Variants in PTPN23 observed in about 807,000 individuals in gnomAD.
PTPN23 encodes the protein tyrosine-protein phosphatase non-receptor type 23.
Under a neutral mutation model 156.3 loss-of-function variants are expected in PTPN23, and 72 were observed. The ratio of observed to expected loss-of-function variants is 0.46; its 90% CI spans 0.38 to 0.56. PTPN23 has a LOEUF of 0.56. Ranked by LOEUF, PTPN23 falls within the 20% of genes least tolerant of loss-of-function variation. The pLI, the probability that PTPN23 is intolerant of heterozygous loss-of-function variation, is 0.00. For missense variants in PTPN23, 1,974 were observed against 2,171.5 expected (o/e 0.91, Z 1.81); for synonymous variants, 957 against 899.6 (o/e 1.06, Z -1.14).
chr3:47,384,855 C>A (rs1044445188), intron 1 of PTPN23, among the ~76,000 whole-genome samples: 1 of 151,970 alleles, frequency 6.6e-6, no homozygotes, highest in Non-Finnish European at 1.5e-5. Context: ...CTCTGCCTCC[C>A]GGGTTCAAGC....
rs574121445 is a variant in PTPN23, at chr3:47,396,754, G to C, written c.159+537G>C. Among the ~76,000 whole-genome samples, 5 of 152,170 alleles carry C rather than the reference G, an allele frequency of 3.3e-5. No homozygotes were observed. In the South Asian group the frequency reaches 1.0e-3, roughly 32 times the overall value. On this transcript the variant is annotated intron_variant, in intron 2 of 24. Transcript: ENST00000265562. ...ACCAGCCTCAACATAGTGAGGCCCT[G>C]TCTCTATAGAAAACAAAAAAAATTA...
Position 47,412,383 on chromosome 3 carries a change from C to A in PTPN23, c.4279C>A (p.Arg1427Ser). 6.2e-7 allele frequency: 1 copy of A among 1,613,088 alleles called. No homozygotes were observed. The highest frequency in any genetic ancestry group is 1.1e-5 in the South Asian group (1 of 91,080). ...GIPELPQLVR[R>S]MRQQRKHMLQ... is the part of the protein sequence containing the mutation. ...CCCTGAGCTGCCTCAGCTGGTGCGGCGCATGCGGCAGCAGAGAAAGCACAT... is the reference window on the plus strand; with the variant it reads ...CCCTGAGCTGCCTCAGCTGGTGCGGAGCATGCGGCAGCAGAGAAAGCACAT... The change falls in exon 23 of 25, where the codon CGC becomes AGC. Residue 1427 changes from arginine (R) to serine (S), a missense_variant. Physicochemically the swap from Arg to Ser is moderately radical, Grantham distance 110 (BLOSUM62 -1). This residue lies in a region of PTPN23 where 484 missense variants were observed against 516.0 expected (regional missense o/e 0.94). Coordinates refer to ENST00000265562, the MANE Select transcript of PTPN23 (RefSeq NM_015466.4).
rs774919488 is a variant in PTPN23, at chr3:47,412,421, G to A, written c.4317G>A (p.Lys1439=). 20 of 1,612,760 alleles carry A rather than the reference G, an allele frequency of 1.2e-5. No individual in the cohort carries two copies. Among genetic ancestry groups the A allele is most frequent in the Middle Eastern group, 3.3e-4 (2 of 6,058 alleles). ...AGAGAAAGCACATGCTGCAGGAGAA[G>A]GTGAGGATCTGGGCAGATGGGGCTG... ...RQQRKHMLQE[K]LHLRFCYEAV... is the part of the protein sequence containing the mutation. The change falls in exon 23 of 25, where the codon AAG becomes AAA. Residue 1439 remains lysine (K), a splice_region_variant and synonymous_variant. Transcript: ENST00000265562.
At chr3:47,399,498 T>C (rs1559521781) in intron 2 of PTPN23, among the ~76,000 whole-genome samples, 1 of 152,200 alleles carries the variant, frequency 6.6e-6, no homozygotes, top group Non-Finnish European at 1.5e-5. Context: ...GAGATAATCT[T>C]AGCCCCTGGG....
At chr3:47,383,142 T>A (rs1405990516) in intron 1 of PTPN23, among the ~76,000 whole-genome samples, 4 of 152,208 alleles carry the variant, frequency 2.6e-5, no homozygotes, top group African/African-American at 7.2e-5. Flanking sequence ...GTGTGCTTCA[T>A]CTACTGTGTG....
In PTPN23 at chr3:47,412,666, G is replaced by A. The variant is rs531803521; in HGVS notation, c.4431+39G>A. The A allele has an allele frequency of 2.4e-5, 38 of 1,603,944 alleles. No homozygotes were observed. In the South Asian group the frequency reaches 3.6e-4, roughly 15 times the overall value. ...CGTGGAAGCTGCTGGGAGAGCCACA[G>A]CCTTGGGACTCCCTCTCCTCACTCA... On this transcript the variant is annotated intron_variant, in intron 24 of 24. Coordinates refer to ENST00000265562, the MANE Select transcript of PTPN23 (RefSeq NM_015466.4).
rs377276212 is a variant in PTPN23, at chr3:47,408,380, C to T, written c.1220C>T (p.Thr407Met). Residue 407 changes from threonine (T) to methionine (M), a missense_variant, in exon 15 of 25, where the codon ACG (threonine) becomes ATG (methionine). By Grantham distance (81) the Thr-to-Met change is moderately conservative. This residue lies in a region of PTPN23 where 726 missense variants were observed against 929.5 expected (regional missense o/e 0.78). Coordinates refer to ENST00000265562, the MANE Select transcript of PTPN23 (RefSeq NM_015466.4). ...FMDSMQLDPE[T>M]VDNLDAYSHI... ...GATTCAATGCAGTTGGATCCCGAGA[C>T]GGTGGACAACCTTGATGCCTACAGC... The T allele has an allele frequency of 2.4e-5, 38 of 1,614,004 alleles. No individual in the cohort carries two copies. The highest frequency in any genetic ancestry group is 5.0e-5 in the Admixed American group (3 of 59,992).
chr3:47,407,271 T>C lies in PTPN23; in HGVS notation c.865-38T>C. The C allele has an allele frequency of 2.5e-6, 4 of 1,613,546 alleles. No individual in the cohort carries two copies. The highest frequency in any genetic ancestry group is 3.4e-6 in the Non-Finnish European group (4 of 1,179,660). On this transcript the variant is annotated intron_variant, in intron 10 of 24. Transcript: ENST00000265562. This position sits in a 1 kb window ranked among gnomAD's most constrained non-coding sequence, Gnocchi z 4.0. Reference sequence around the variant, plus strand: ...GGGGGTGTCCTGGTGCCAGCCTTGGTTAGTGCTAAGGCCCCACCCCTGTCC... The same window carrying C: ...GGGGGTGTCCTGGTGCCAGCCTTGGCTAGTGCTAAGGCCCCACCCCTGTCC...
intron 1 of PTPN23, among the ~76,000 whole-genome samples, chr3:47,388,313 G>T (rs1002304341): frequency 6.6e-6 from 1 of 152,040 alleles, no homozygotes; most frequent in Non-Finnish European, 1.5e-5. Flanking sequence ...GTCTCAAGTG[G>T]TCCGTCCACC....
chr3:47,389,969 A>G (rs1387595192), intron 1 of PTPN23, among the ~76,000 whole-genome samples: 1 of 148,378 alleles, frequency 6.7e-6, no homozygotes, highest in East Asian at 2.0e-4. Flanking sequence ...GCTACTTGGG[A>G]GGCTTAGGCA....
At chr3:47,389,257 CT>C (rs994143758) in intron 1 of PTPN23, among the ~76,000 whole-genome samples, 12 of 152,164 alleles carry the variant, frequency 7.9e-5, no homozygotes, top group Admixed American at 7.9e-4. Context: ...AACTCGAATC[CT>C]TATGACAGCT....
chr3:47,406,711 G>A lies in PTPN23; in HGVS notation c.768G>A (p.Met256Ile), dbSNP rs1305567285. The change falls in exon 9 of 25, where the codon ATG becomes ATA. Residue 256 changes from methionine (M) to isoleucine (I), a missense_variant. Around this residue, in one of 4 missense-constraint regions of PTPN23, gnomAD observed 726 missense variants for 929.5 expected, o/e 0.78. Transcript: ENST00000265562. This position sits in a 1 kb window ranked among gnomAD's most constrained non-coding sequence, Gnocchi z 5.8. Reference sequence around the variant, plus strand: ...CTCTTCTTCTTTCCCAGCTGCACATGGGAAAGCAGGCCGAGGAGCAGCAGA... The same window carrying A: ...CTCTTCTTCTTTCCCAGCTGCACATAGGAAAGCAGGCCGAGGAGCAGCAGA... ...YYFAAVAHLH[M>I]GKQAEEQQKF... is the part of the protein sequence containing the mutation. 6.2e-7 allele frequency: 1 copy of A among 1,613,982 alleles called. No individual in the cohort carries two copies. Among genetic ancestry groups the A allele is most frequent in the Non-Finnish European group, 8.5e-7 (1 of 1,179,976 alleles).
At chr3:47,412,453 G>T in intron 23 of PTPN23, 32 bp downstream of exon 23, 1 of 1,611,616 alleles carries the variant, frequency 6.2e-7, no homozygotes, top group Non-Finnish European at 8.5e-7. Context: ...GCTGGGATGG[G>T]CCTTCTGTCC....
chr3:47,397,506 T>A (rs1315506698), intron 2 of PTPN23, among the ~76,000 whole-genome samples: 1 of 152,238 alleles, frequency 6.6e-6, no homozygotes, highest in Non-Finnish European at 1.5e-5. Context: ...ACCAGTAATG[T>A]AGATACATGC....
chr3:47,405,433 C>T lies in PTPN23; in HGVS notation c.365-316C>T. On this transcript the variant is annotated intron_variant, in intron 4 of 24. Transcript: ENST00000265562. The surrounding 1 kb of genome is among the most constrained non-coding windows in gnomAD (Gnocchi z 4.7). ...GTGTGGCTGGCCTCAGCTTACCCTG[C>T]TAGTCAGCCTTAGCCTGGCTCAAGG... The T allele has an allele frequency of 1.9e-6, 1 of 535,640 alleles. No individual in the cohort carries two copies. The highest frequency in any genetic ancestry group is 3.3e-5 in the East Asian group (1 of 30,518). 33.2% of individuals were successfully genotyped at this position (535,640 alleles called of 1,614,324 possible). A position where few individuals can be genotyped will look rare whatever the true frequency, so the allele number is the denominator to read the frequency against.
rs747749253 is a variant in PTPN23, at chr3:47,404,694, C to G, written c.202C>G (p.Leu68Val). 6.2e-7 allele frequency: 1 copy of G among 1,613,994 alleles called. No individual in the cohort carries two copies. Among genetic ancestry groups the G allele is most frequent in the South Asian group, 1.1e-5 (1 of 91,082 alleles). Residue 68 changes from leucine (L) to valine (V), a missense_variant, in exon 3 of 25, where the codon CTC becomes GTC. Physicochemically the swap from Leu to Val is conservative, Grantham distance 32. Coordinates refer to ENST00000265562, the MANE Select transcript of PTPN23 (RefSeq NM_015466.4). ...VPRDFEGCSVLRKYLGQLHYL... is the reference protein window; with the variant it reads ...VPRDFEGCSVVRKYLGQLHYL... ...ACGAGACTTTGAGGGCTGTAGTGTCCTCCGCAAGTACCTCGGCCAGCTTCA... is the reference window on the plus strand; with the variant it reads ...ACGAGACTTTGAGGGCTGTAGTGTCGTCCGCAAGTACCTCGGCCAGCTTCA...
rs577578858 is a variant in PTPN23 at position 47,412,306 on chromosome 3, C to A, written c.4202C>A (p.Ala1401Asp). ...AGCTCTGGTGTGGGCCGCACGGGAGCCTTTGCACTGCTCTATGCAGCTGTG... is the reference window on the plus strand; with the variant it reads ...AGCTCTGGTGTGGGCCGCACGGGAGACTTTGCACTGCTCTATGCAGCTGTG... ...HCSSGVGRTG[A>D]FALLYAAVQE... The change falls in exon 23 of 25, where the codon GCC (alanine) becomes GAC (aspartate). Residue 1401 changes from alanine to aspartate, a missense_variant. This residue lies in a region of PTPN23 where 484 missense variants were observed against 516.0 expected (regional missense o/e 0.94). Coordinates refer to ENST00000265562, the MANE Select transcript of PTPN23 (RefSeq NM_015466.4). 1 of 1,613,420 alleles carries A rather than the reference C, an allele frequency of 6.2e-7. No homozygotes were observed. The highest frequency in any genetic ancestry group is 1.1e-5 in the South Asian group (1 of 91,084).
Position 47,407,812 on chromosome 3 carries a change from G to A in PTPN23, c.1118+1G>A. On this transcript the variant is annotated splice_donor_variant, in intron 13 of 24. Transcript: ENST00000265562. LOFTEE classifies it high-confidence loss of function. The surrounding 1 kb of genome is among the most constrained non-coding windows in gnomAD (Gnocchi z 4.0). ...CCCACGAGGCCTCGTCACTGTACAG[G>A]TGGGTGGAGGGTGGCACAGAGGGAG... 1 of 1,614,140 alleles carries A rather than the reference G, an allele frequency of 6.2e-7. No individual in the cohort carries two copies. Among genetic ancestry groups the A allele is most frequent in the South Asian group, 1.1e-5 (1 of 91,086 alleles).
rs773494541 is a variant in PTPN23 at position 47,407,845 on chromosome 3, G to A, written c.1118+34G>A. The A allele has an allele frequency of 2.5e-6, 4 of 1,614,112 alleles. No homozygotes were observed. The highest frequency in any genetic ancestry group is 1.3e-5 in the African/African-American group (1 of 75,050). ...AGGGTGGCACAGAGGGAGGTGGGGT[G>A]TCTTGAGATGTGGGTCTTCAGCAAA... On this transcript the variant is annotated intron_variant, in intron 13 of 24. Transcript: ENST00000265562. The surrounding 1 kb of genome is among the most constrained non-coding windows in gnomAD (Gnocchi z 4.0).
Sources: allele counts gnomAD v4.1 joint callset (sites outside exome capture counted in the v4.1 genomes callset), GRCh38; gene constraint gnomAD v4.1.1; regional missense constraint gnomAD v4.1.1; non-coding constraint Gnocchi (gnomAD v3.1); transcripts MANE v1.5; gene names NCBI Gene and HGNC (gene_info 2026-07-23, HGNC 2026-07-21).